The following PIK3C2A variants were observed in gnomAD, a reference collection of about 807,000 sequenced individuals.
PIK3C2A encodes phosphatidylinositol-4-phosphate 3-kinase catalytic subunit type 2 alpha, also known as phosphatidylinositol 4-phosphate 3-kinase C2 domain-containing subunit alpha.
In PIK3C2A, 97 loss-of-function variants were observed where a neutral mutation model predicts 204.5. The ratio of observed to expected loss-of-function variants is 0.47; its 90% CI spans 0.40 to 0.56. The LOEUF is 0.56. Among genes scored for constraint, PIK3C2A ranks in the 20% least tolerant of loss-of-function variants. The pLI, the probability that PIK3C2A is intolerant of heterozygous loss-of-function variation, is 0.00. For synonymous variants in PIK3C2A, 653 were observed against 664.4 expected, an observed-to-expected ratio of 0.98 and a Z score of 0.26; for missense variants, 1,735 against 1,969.2, an observed-to-expected ratio of 0.88 and a Z score of 2.25.
chr11:17,104,492 G>A (rs979546946), intron 23 of PIK3C2A, among the ~76,000 whole-genome samples: 4 of 152,142 alleles, frequency 2.6e-5, no homozygotes, highest in African/African-American at 4.8e-5. Flanking sequence ...TTGGGAGACT[G>A]AAGCGGGCGG....
rs558200086 is a variant in PIK3C2A, at chr11:17,166,607, A to C, written c.1065+2070T>G. 8.5e-5 allele frequency among the ~76,000 whole-genome samples: 13 copies of C among 152,348 alleles called. No individual in the cohort carries two copies. The East Asian group carries it at 2.5e-3, about 29-fold the overall frequency. ...AATCTATTGTAGCTACAATGCATTC[A>C]TTGTGGGGCTCTGCCTTCTACCAGT... On this transcript the variant is annotated intron_variant, in intron 2 of 32. Transcript: ENST00000691414.
intron 1 of PIK3C2A, among the ~76,000 whole-genome samples, chr11:17,200,471 T>C (rs963740456): frequency 3.3e-5 from 5 of 152,182 alleles, no homozygotes; most frequent in Non-Finnish European, 2.9e-5. Context: ...AAAAGTGTTA[T>C]GCTAAATGAA....
intron 1 of PIK3C2A, among the ~76,000 whole-genome samples, chr11:17,190,162 C>A (rs1299164997): frequency 6.6e-6 from 1 of 152,038 alleles, no homozygotes; most frequent in African/African-American, 2.4e-5. Context: ...ACTCTGGAGG[C>A]TGAGGCAGGA....
intron 8 of PIK3C2A, among the ~76,000 whole-genome samples, chr11:17,144,423 ATTTTCATAAC>A (rs1850164537): frequency 1.3e-5 from 2 of 152,170 alleles, no homozygotes; most frequent in African/African-American, 4.8e-5. Context: ...TAGGTCATTC[ATTTTCATAAC>A]TCTAGCATTC....
At position 17,102,799 on chromosome 11, in the gene PIK3C2A, TC is replaced by T; in HGVS notation, c.3713del (p.Gly1238AspfsTer4). ...ASENFIYSCA[G>X]CCVATYVLGI... The stretch of plus-strand genomic sequence containing the variant: ...CTAAAACATAGGTGGCTACACAGCA[TC>T]CAGCACAGGAATAGATAAAGTTCTC... On this transcript the variant is annotated frameshift_variant, in exon 24 of 33. Coordinates refer to ENST00000691414, the MANE Select transcript of PIK3C2A (RefSeq NM_002645.4). LOFTEE classifies it high-confidence loss of function. 1 of 1,610,798 alleles carries T rather than the reference TC, an allele frequency of 6.2e-7. No individual in the cohort carries two copies. Among genetic ancestry groups the T allele is most frequent in the Non-Finnish European group, 8.5e-7 (1 of 1,177,618 alleles).
chr11:17,197,050 G>A (rs558624953), intron 1 of PIK3C2A, among the ~76,000 whole-genome samples: 3 of 151,982 alleles, frequency 2.0e-5, no homozygotes, highest in South Asian at 2.1e-4. Flanking sequence ...TATAATCCCC[G>A]CACTTTGGGA....
chr11:17,113,819 T>C (rs978813384), intron 20 of PIK3C2A, among the ~76,000 whole-genome samples: 7 of 146,342 alleles, frequency 4.8e-5, no homozygotes, highest in African/African-American at 1.5e-4. Context: ...TGGTGGCTCA[T>C]GCCTGTAATC....
chr11:17,120,783 G>C (rs890444737), intron 15 of PIK3C2A, among the ~76,000 whole-genome samples: 1 of 151,946 alleles, frequency 6.6e-6, no homozygotes. Context: ...TTAAAAATTA[G>C]TACATACAGC....
Position 17,102,820 on chromosome 11 carries a change from G to A in PIK3C2A, c.3693C>T (p.Asn1231=). Reference sequence around the variant, plus strand: ...AGCATCCAGCACAGGAATAGATAAAGTTCTCTGAAGCCTATAAAAAACATA... The same window carrying A: ...AGCATCCAGCACAGGAATAGATAAAATTCTCTGAAGCCTATAAAAAACATA... The part of the protein sequence containing the change: ...SEEEYEKASE[N]FIYSCAGCCV... The change falls in exon 24 of 33, where the codon AAC becomes AAT. Residue 1231 remains asparagine, a synonymous_variant. Transcript: ENST00000691414. 6.3e-7 allele frequency: 1 copy of A among 1,583,822 alleles called. No individual in the cohort carries two copies. Among genetic ancestry groups the A allele is most frequent in the African/African-American group, 1.4e-5 (1 of 73,530 alleles).
chr11:17,143,824 C>G (rs749146895), intron 8 of PIK3C2A, among the ~76,000 whole-genome samples: 1 of 151,978 alleles, frequency 6.6e-6, no homozygotes, highest in Non-Finnish European at 1.5e-5. Flanking sequence ...GTAATCCCAG[C>G]TACTAGGGAG....
At chr11:17,170,492 T>C (rs1460427493) in intron 1 of PIK3C2A, among the ~76,000 whole-genome samples, 2 of 152,238 alleles carry the variant, frequency 1.3e-5, no homozygotes, top group Non-Finnish European at 2.9e-5. Flanking sequence ...TTTAATTACA[T>C]TTCTATTCTG....
chr11:17,130,992 G>C (rs907125071), intron 12 of PIK3C2A, among the ~76,000 whole-genome samples: 21 of 151,966 alleles, frequency 1.4e-4, no homozygotes, highest in African/African-American at 5.1e-4. Context: ...TTCAAGACCA[G>C]CCTGGCCAAC....
intron 1 of PIK3C2A, among the ~76,000 whole-genome samples, chr11:17,203,255 G>T (rs895672802): frequency 2.2e-4 from 33 of 151,994 alleles, no homozygotes; most frequent in Admixed American, 2.0e-3. Flanking sequence ...CAGTTTGGGA[G>T]GCCAAGATGG....
At position 17,169,621 on chromosome 11, in the gene PIK3C2A, T is replaced by C. The variant is rs1243868847; in HGVS notation, c.121A>G (p.Lys41Glu). 2 of 1,614,038 alleles carry C rather than the reference T, an allele frequency of 1.2e-6. No homozygotes were observed. Among genetic ancestry groups the C allele is most frequent in the South Asian group, 2.2e-5 (2 of 91,082 alleles). ...ALQMEAEALA[K>E]LQKDRQVTDN... is the part of the protein sequence containing the mutation. ...GTCACTTGTCTATCCTTTTGCAGTT[T>C]TGCTAAAGCCTCTGCTTCCATCTGT... The change falls in exon 2 of 33, where the codon AAA becomes GAA. Residue 41 changes from lysine to glutamate, a missense_variant. This residue lies in a region of PIK3C2A where 536 missense variants were observed against 546.7 expected (regional missense o/e 0.98). Coordinates refer to ENST00000691414, the MANE Select transcript of PIK3C2A (RefSeq NM_002645.4).
chr11:17,122,308 T>C lies in PIK3C2A; in HGVS notation c.2537A>G (p.Asp846Gly), dbSNP rs1449436661. ...AACTTGAGGAGTTGTATAAATAATA[T>C]CAAATGCAGGAGAAGGAAAATCAAC... Reference protein sequence around the residue: ...LQVDFPSPAFDIIYTTPQVDR... With the variant: ...LQVDFPSPAFGIIYTTPQVDR... Residue 846 changes from aspartate to glycine, a missense_variant, in exon 15 of 33, where the codon GAT becomes GGT. Coordinates refer to ENST00000691414, the MANE Select transcript of PIK3C2A (RefSeq NM_002645.4). 2 of 1,548,578 alleles carry C rather than the reference T, an allele frequency of 1.3e-6. No homozygotes were observed. Among genetic ancestry groups the C allele is most frequent in the East Asian group, 2.3e-5 (1 of 44,308 alleles).
At chr11:17,183,978 T>G (rs1851658021) in intron 1 of PIK3C2A, among the ~76,000 whole-genome samples, 1 of 151,020 alleles carries the variant, frequency 6.6e-6, no homozygotes, top group African/African-American at 2.4e-5. Context: ...TGGTGGCACA[T>G]GCCTGCAATT....
chr11:17,169,830 A>G (rs1229790750), intron 1 of PIK3C2A, 24 bp from the exon 2 acceptor site: 2 of 810,602 alleles, frequency 2.5e-6, no homozygotes, highest in South Asian at 1.8e-5. Context: ...TAAACATAAC[A>G]CTCAATTAGA....
rs1479089848 is a variant in PIK3C2A, at chr11:17,091,591, G to A, written c.4708C>T (p.Arg1570Ter). 1.2e-6 allele frequency: 2 copies of A among 1,612,932 alleles called. No homozygotes were observed. Among genetic ancestry groups the A allele is most frequent in the Admixed American group, 1.7e-5 (1 of 59,994 alleles). The change falls in exon 31 of 33, where the codon CGA becomes TGA. Residue 1570 changes from arginine to a stop codon, truncating the protein, a stop_gained. Coordinates refer to ENST00000691414, the MANE Select transcript of PIK3C2A (RefSeq NM_002645.4). LOFTEE classifies it high-confidence loss of function. ...GGAVKLSISY[R>*]NGTLFIMVMH... ...ACCATGATGAAAAGAGTACCATTTC[G>A]GTAAGAGATGGATAATTTCACAGCT... is the stretch of plus-strand genomic sequence containing the variant.
intron 1 of PIK3C2A, among the ~76,000 whole-genome samples, chr11:17,178,822 C>G (rs1490704886): frequency 6.7e-6 from 1 of 148,944 alleles, no homozygotes; most frequent in East Asian, 2.0e-4. Flanking sequence ...CTCCGCTTCC[C>G]GGGTTCACGC....
Sources: gnomAD v4.1 joint callset for allele counts (sites outside exome capture counted in the v4.1 genomes callset) on GRCh38, gnomAD v4.1.1 for gene constraint, gnomAD v4.1.1 regional missense constraint, MANE v1.5 for transcripts, NCBI Gene and HGNC (gene_info 2026-07-23, HGNC 2026-07-21) for gene names.